MDFIC: variants seen among roughly 807,000 people sequenced by gnomAD.
MDFIC encodes the protein MyoD family inhibitor domain containing.
A neutral mutation model predicts 23.2 loss-of-function variants in MDFIC; 17 were observed. The ratio of observed to expected loss-of-function variants is 0.73; its 90% CI spans 0.50 to 1.10. The LOEUF (loss-of-function observed/expected upper bound fraction) is 1.10. MDFIC is among the 50% of genes least tolerant of loss of function. MDFIC has a pLI of 0.00. For synonymous variants in MDFIC, 120 were observed against 115.2 expected (o/e 1.04, Z -0.27); for missense variants, 356 against 316.6 (o/e 1.12, Z -0.95).
chr7:114,957,140 A>G (rs1792899348), intron 3 of MDFIC, among the ~76,000 whole-genome samples: 1 of 152,228 alleles, frequency 6.6e-6, no homozygotes, highest in South Asian at 2.1e-4. Flanking sequence ...GTACAGTGAA[A>G]GCACTTCAAA....
chr7:114,974,034 A>G (rs959804253), intron 3 of MDFIC, among the ~76,000 whole-genome samples: 1 of 152,168 alleles, frequency 6.6e-6, no homozygotes, highest in African/African-American at 2.4e-5. Context: ...AAACAGATAC[A>G]GAAAGTGCCA....
At chr7:115,004,401 G>A (rs1296976019) in intron 4 of MDFIC, among the ~76,000 whole-genome samples, 1 of 152,152 alleles carries the variant, frequency 6.6e-6, no homozygotes, top group Non-Finnish European at 1.5e-5. Flanking sequence ...CTGAACCCAA[G>A]GAGTTGAAGA....
intron 4 of MDFIC, among the ~76,000 whole-genome samples, chr7:114,980,602 A>G (rs1793401475): frequency 6.6e-6 from 1 of 152,064 alleles, no homozygotes; most frequent in Admixed American, 6.5e-5. Context: ...TAAGGATCCA[A>G]ATTTCTTTCC....
In MDFIC at chr7:114,922,946, C is replaced by G; in HGVS notation, c.-88C>G. 1 of 1,590,410 alleles carries G rather than the reference C, an allele frequency of 6.3e-7. No homozygotes were observed. The highest frequency in any genetic ancestry group is 2.4e-5 in the East Asian group (1 of 42,200). ...CGCCAGAAGCAGTCAGTTCCCTGCA[C>G]CCAGCACCTCACAGCCCTTCCTCCG... On this transcript the variant is annotated 5_prime_UTR_variant, in exon 2 of 5. Coordinates refer to ENST00000393486, the MANE Select transcript of MDFIC (RefSeq NM_001166345.3).
At chr7:114,923,792 A>G in intron 2 of MDFIC, 2 of 547,126 alleles carry the variant, frequency 3.7e-6, no homozygotes, top group Non-Finnish European at 5.4e-6. Context: ...CTTGAAGGCA[A>G]TATACTTTAG....
At chr7:114,936,656 G>C (rs1293714437) in intron 2 of MDFIC, among the ~76,000 whole-genome samples, 1 of 152,148 alleles carries the variant, frequency 6.6e-6, no homozygotes, top group Non-Finnish European at 1.5e-5. Flanking sequence ...GAAAGGCTGA[G>C]TATTGCGATA....
At chr7:114,935,002 G>A (rs1329538595) in intron 2 of MDFIC, among the ~76,000 whole-genome samples, 1 of 151,842 alleles carries the variant, frequency 6.6e-6, no homozygotes, top group Non-Finnish European at 1.5e-5. Context: ...CCTTATCTTT[G>A]GTTTTTTAAA....
chr7:114,962,745 T>A (rs575231391), intron 3 of MDFIC, among the ~76,000 whole-genome samples: 1 of 152,300 alleles, frequency 6.6e-6, no homozygotes, highest in South Asian at 2.1e-4. Context: ...TTTACGAAAT[T>A]AGACAAAAAT....
intron 3 of MDFIC, among the ~76,000 whole-genome samples, chr7:114,970,893 A>T (rs1233596914): frequency 2.0e-5 from 3 of 152,172 alleles, no homozygotes; most frequent in Non-Finnish European, 4.4e-5. Flanking sequence ...TGGGGGCTGA[A>T]CTTCAGTTCT....
At chr7:114,953,090 T>C (rs971309792) in intron 3 of MDFIC, among the ~76,000 whole-genome samples, 1 of 152,238 alleles carries the variant, frequency 6.6e-6, no homozygotes, top group Non-Finnish European at 1.5e-5. Context: ...AAATATTTAC[T>C]ACAGAACATG....
intron 4 of MDFIC, among the ~76,000 whole-genome samples, chr7:114,988,771 C>A (rs1158572965): frequency 6.6e-6 from 1 of 152,084 alleles, no homozygotes; most frequent in African/African-American, 2.4e-5. Flanking sequence ...TTCCAAAATG[C>A]ATTTGGAAAT....
intron 4 of MDFIC, among the ~76,000 whole-genome samples, chr7:115,012,278 A>T (rs1184561835): frequency 1.3e-5 from 2 of 152,248 alleles, no homozygotes; most frequent in Non-Finnish European, 2.9e-5. Flanking sequence ...GAACATGCTG[A>T]ACACTCATTT....
At chr7:114,992,355 T>C (rs1253675393) in intron 4 of MDFIC, among the ~76,000 whole-genome samples, 1 of 137,654 alleles carries the variant, frequency 7.3e-6, no homozygotes, top group Non-Finnish European at 1.5e-5. Context: ...TTCTCCTGCC[T>C]GATTGCCCTG....
At chr7:114,929,941 G>A (rs1025456388) in intron 2 of MDFIC, among the ~76,000 whole-genome samples, 2 of 152,132 alleles carry the variant, frequency 1.3e-5, no homozygotes, top group Admixed American at 1.3e-4. Flanking sequence ...GGAGGTGGGA[G>A]AAAAGGATAG....
chr7:114,943,533 T>TAGGA (rs1212221859), intron 3 of MDFIC, among the ~76,000 whole-genome samples: 1 of 151,848 alleles, frequency 6.6e-6, no homozygotes, highest in Non-Finnish European at 1.5e-5. Context: ...GAGAAGGGAG[T>TAGGA]AGGAAGGAAG....
intron 4 of MDFIC, among the ~76,000 whole-genome samples, chr7:114,989,276 T>A (rs1793563201): frequency 1.3e-5 from 2 of 152,170 alleles, no homozygotes; most frequent in Non-Finnish European, 2.9e-5. Context: ...CACTGAAATA[T>A]TTCTGTTGGT....
chr7:115,014,362 T>C lies in MDFIC; in HGVS notation c.494-1326T>C, dbSNP rs1791748671. 1.1e-5 allele frequency: 14 copies of C among 1,278,760 alleles called. No homozygotes were observed. The South Asian group carries it at 1.8e-4, about 16-fold the overall frequency. 79.2% of individuals were successfully genotyped at this position (1,278,760 alleles called of 1,614,324 possible). On this transcript the variant is annotated intron_variant, in intron 4 of 4. Coordinates refer to ENST00000393486, the MANE Select transcript of MDFIC (RefSeq NM_001166345.3). ...AGGGATTCTGTCAATTCACATCTAC[T>C]TGCAGTTATATGGCATTCTATAGAG...
At position 114,972,928 on chromosome 7, in the gene MDFIC, C is replaced by T. The variant is rs146167707; in HGVS notation, c.218-6578C>T. ...CAGATTGTCTACTTTCTAAGGTCCACTGTAGCTGTGGATTTAGTAGCATTC... is the reference window on the plus strand; with the variant it reads ...CAGATTGTCTACTTTCTAAGGTCCATTGTAGCTGTGGATTTAGTAGCATTC... On this transcript the variant is annotated intron_variant, in intron 3 of 4. Transcript: ENST00000393486. Among the ~76,000 whole-genome samples the T allele has an allele frequency of 4.0e-3, 603 of 152,214 alleles. 7 individuals are homozygous for T. Among genetic ancestry groups the T allele is most frequent in the African/African-American group, 0.014 (577 of 41,540 alleles).
At chr7:115,012,331 G>T (rs1332362743) in intron 4 of MDFIC, among the ~76,000 whole-genome samples, 1 of 152,132 alleles carries the variant, frequency 6.6e-6, no homozygotes, top group Non-Finnish European at 1.5e-5. Flanking sequence ...ATGAAAAAAT[G>T]TCCAAACCTA....
Sources: gnomAD v4.1 joint callset for allele counts (sites outside exome capture counted in the v4.1 genomes callset) on GRCh38, gnomAD v4.1.1 for gene constraint, MANE v1.5 for transcripts, NCBI Gene and HGNC (gene_info 2026-07-23, HGNC 2026-07-21) for gene names.